UNC5C: variants seen among roughly 807,000 people sequenced by gnomAD.
UNC5C encodes the protein unc-5 netrin receptor C.
UNC5C carries 47 observed loss-of-function variants against 99.8 expected under a neutral mutation model. The observed-to-expected ratio is 0.47, with a 90% CI of 0.37 to 0.60. The LOEUF (loss-of-function observed/expected upper bound fraction) is 0.60. UNC5C is among the 20% of genes least tolerant of loss of function. UNC5C has a pLI of 0.00. For synonymous variants in UNC5C, 487 were observed against 452.2 expected (o/e 1.08, Z -0.98); for missense variants, 1,062 against 1,165.9 (o/e 0.91, Z 1.30).
At chr4:95,445,701 C>T (rs1398516659) in intron 1 of UNC5C, among the ~76,000 whole-genome samples, 1 of 151,896 alleles carries the variant, frequency 6.6e-6, no homozygotes, top group African/African-American at 2.4e-5. Context: ...CAAGTTACTG[C>T]GAAACAAATG....
chr4:95,174,136 T>G (rs1323313151), intron 14 of UNC5C, among the ~76,000 whole-genome samples: 1 of 152,206 alleles, frequency 6.6e-6, no homozygotes, highest in Non-Finnish European at 1.5e-5. Flanking sequence ...CTCTCTTTTT[T>G]TCTTTATTAG....
rs869244486 is a variant in UNC5C, at chr4:95,292,263, AT to A, written c.490+9342del. On this transcript the variant is annotated intron_variant, in intron 3 of 15. Coordinates refer to ENST00000453304, the MANE Select transcript of UNC5C (RefSeq NM_003728.4). ...TATATATATATATATATATATATAT[AT>A]ATAAATTTTTTTTGTTTTTTTTTGA... Among the ~76,000 whole-genome samples the A allele has an allele frequency of 8.4e-3, 485 of 57,824 alleles. 1 individual carries two copies. Among genetic ancestry groups the A allele is most frequent in the Middle Eastern group, 0.051 (5 of 98 alleles). The allele number at this position is 57,824 out of a possible 152,430, so 37.9% of individuals were successfully genotyped here.
chr4:95,238,966 T>C (rs4699412), intron 7 of UNC5C, among the ~76,000 whole-genome samples: 61,249 of 151,966 alleles, frequency 0.4, 12,681 homozygotes, highest in East Asian at 0.62. Flanking sequence ...TTTAAAAATA[T>C]GGTTTGTCTT....
chr4:95,199,691 G>A (rs1353120782), intron 12 of UNC5C, among the ~76,000 whole-genome samples: 1 of 152,146 alleles, frequency 6.6e-6, no homozygotes, highest in Admixed American at 6.5e-5. Context: ...GCTGAGGAGA[G>A]AACTATGTGT....
chr4:95,344,813 C>G (rs1422882821), intron 1 of UNC5C, among the ~76,000 whole-genome samples: 1 of 151,896 alleles, frequency 6.6e-6, no homozygotes, highest in Non-Finnish European at 1.5e-5. Context: ...TTACAAGCCT[C>G]ATGATAACCT....
chr4:95,420,675 A>G (rs2149455931), intron 1 of UNC5C, among the ~76,000 whole-genome samples: 1 of 152,276 alleles, frequency 6.6e-6, no homozygotes, highest in African/African-American at 2.4e-5. Flanking sequence ...GTTTCAATAA[A>G]AAGGTAGAAA....
chr4:95,371,396 A>G (rs1352701811), intron 1 of UNC5C, among the ~76,000 whole-genome samples: 1 of 140,090 alleles, frequency 7.1e-6, no homozygotes, highest in Non-Finnish European at 1.5e-5. Context: ...CTATGATAAG[A>G]AAGAAATAAA....
intron 1 of UNC5C, among the ~76,000 whole-genome samples, chr4:95,416,008 G>A (rs79373343): frequency 0.012 from 1,754 of 151,826 alleles, 42 homozygotes; most frequent in African/African-American, 0.04. Context: ...CATATAAAAC[G>A]TGATGGAAAT....
chr4:95,385,281 T>C (rs1745183038), intron 1 of UNC5C, among the ~76,000 whole-genome samples: 2 of 152,200 alleles, frequency 1.3e-5, no homozygotes, highest in South Asian at 2.1e-4. Context: ...GAAGTGCTCG[T>C]AACCTATAAA....
At chr4:95,220,405 G>C (rs557507218) in intron 7 of UNC5C, among the ~76,000 whole-genome samples, 4 of 152,056 alleles carry the variant, frequency 2.6e-5, no homozygotes, top group African/African-American at 9.6e-5. Context: ...CTTATAATTG[G>C]GCAGCATAAC....
chr4:95,520,846 C>T (rs531358723), intron 1 of UNC5C, among the ~76,000 whole-genome samples: 2 of 151,926 alleles, frequency 1.3e-5, no homozygotes, highest in African/African-American at 2.4e-5. Flanking sequence ...GTGATCCACC[C>T]GCCTCGGCCC....
intron 4 of UNC5C, among the ~76,000 whole-genome samples, chr4:95,272,226 G>A (rs1740689677): frequency 1.3e-5 from 2 of 151,982 alleles, no homozygotes; most frequent in South Asian, 2.1e-4. Flanking sequence ...TAACTGACTC[G>A]TATTTCCTAC....
intron 1 of UNC5C, among the ~76,000 whole-genome samples, chr4:95,468,767 G>A (rs947042529): frequency 6.6e-6 from 1 of 152,142 alleles, no homozygotes; most frequent in African/African-American, 2.4e-5. Context: ...AATTACAGAT[G>A]TTGTGTTTGG....
At chr4:95,253,847 G>A (rs1293950057) in intron 4 of UNC5C, among the ~76,000 whole-genome samples, 1 of 151,968 alleles carries the variant, frequency 6.6e-6, no homozygotes, top group Admixed American at 6.6e-5. Context: ...GTAATACCAG[G>A]GGCTACACAT....
intron 1 of UNC5C, among the ~76,000 whole-genome samples, chr4:95,358,237 G>C (rs192402638): frequency 6.6e-6 from 1 of 152,272 alleles, no homozygotes; most frequent in Non-Finnish European, 1.5e-5. Context: ...GCTTAAAGTA[G>C]ATCAATTCTA....
rs116085044 is a variant in UNC5C at position 95,371,262 on chromosome 4, C to G, written c.125-35631G>C. Among the ~76,000 whole-genome samples the G allele has an allele frequency of 1.6e-4, 25 of 152,018 alleles. No homozygotes were observed. The South Asian group carries it at 4.6e-3, about 28-fold the overall frequency. On this transcript the variant is annotated intron_variant, in intron 1 of 15. Coordinates refer to ENST00000453304, the MANE Select transcript of UNC5C (RefSeq NM_003728.4). Reference sequence around the variant, plus strand: ...CATAGGTTATATCTTGACAGAAAAACGGACATGAAATAAAAAGAAACATAA... The same window carrying G: ...CATAGGTTATATCTTGACAGAAAAAGGGACATGAAATAAAAAGAAACATAA...
At chr4:95,383,200 T>G (rs916434024) in intron 1 of UNC5C, among the ~76,000 whole-genome samples, 3 of 152,124 alleles carry the variant, frequency 2.0e-5, no homozygotes, top group Non-Finnish European at 2.9e-5. Context: ...CATTTTCTCA[T>G]AGTTTTCTTC....
chr4:95,392,144 T>C (rs1437169299), intron 1 of UNC5C, among the ~76,000 whole-genome samples: 1 of 152,152 alleles, frequency 6.6e-6, no homozygotes, highest in Admixed American at 6.5e-5. Flanking sequence ...CTTTAAGCCC[T>C]AGAAAAGCTA....
At chr4:95,370,841 G>T (rs775432912) in intron 1 of UNC5C, among the ~76,000 whole-genome samples, 1 of 152,124 alleles carries the variant, frequency 6.6e-6, no homozygotes, top group Non-Finnish European at 1.5e-5. Flanking sequence ...TCACTGGGTT[G>T]TACAAAAGAG....
Sources: allele counts gnomAD v4.1 joint callset (sites outside exome capture counted in the v4.1 genomes callset), GRCh38; gene constraint gnomAD v4.1.1; transcripts MANE v1.5; gene names NCBI Gene and HGNC (gene_info 2026-07-23, HGNC 2026-07-21).